The following ATRX variants were observed in gnomAD, a reference collection of about 807,000 sequenced individuals.
ATRX encodes the protein chromatin remodeler ATRX.
In ATRX, 12 loss-of-function variants were observed where a neutral mutation model predicts 172.6. The ratio of observed to expected loss-of-function variants is 0.07; its 90% CI spans 0.04 to 0.11. The LOEUF (loss-of-function observed/expected upper bound fraction) is 0.11. Ranked by LOEUF, ATRX falls within the 10% of genes least tolerant of loss-of-function variation. The pLI is 1.00. For missense variants in ATRX, 1,368 were observed against 1,767.4 expected (o/e 0.77, Z 4.05); for synonymous variants, 674 against 594.7 (o/e 1.13, Z -1.94).
At chrX:77,509,654 C>T (rs1483218893) in intron 34 of ATRX, among the ~76,000 whole-genome samples, 1 of 110,909 alleles carries the variant, frequency 9.0e-6, no homozygotes, top group Non-Finnish European at 1.9e-5. Context: ...TGGGACTCTG[C>T]ATTGGAACTC....
chrX:77,681,933 G>A lies in ATRX; in HGVS notation c.3323C>T (p.Ser1108Leu), dbSNP rs2148576161. Residue 1108 changes from serine to leucine, a missense_variant, in exon 9 of 35, where the codon TCA becomes TTA. Transcript: ENST00000373344. Reference sequence around the variant, plus strand: ...GGAATATTTCTCAGTATCAGATGATGAACAATCTTGTCTCTTCCTTGAACT... The same window carrying A: ...GGAATATTTCTCAGTATCAGATGATAAACAATCTTGTCTCTTCCTTGAACT... ...GKSSRKRQDC[S>L]SSDTEKYSMK... 1.7e-6 allele frequency: 2 copies of A among 1,210,345 alleles called. No homozygotes were observed. Among genetic ancestry groups the A allele is most frequent in the Non-Finnish European group, 2.2e-6 (2 of 894,886 alleles).
At chrX:77,744,374 A>G (rs2074986905) in intron 1 of ATRX, among the ~76,000 whole-genome samples, 2 of 112,226 alleles carry the variant, frequency 1.8e-5, no homozygotes. Flanking sequence ...CCAACATTAT[A>G]GTCACATCTT....
At chrX:77,620,650 A>T in intron 19 of ATRX, 118 bp from the exon 20 acceptor site, 2 of 702,683 alleles carry the variant, frequency 2.8e-6, no homozygotes, top group South Asian at 5.3e-5. Flanking sequence ...AGATAAAATG[A>T]CATCGTTGTA....
At chrX:77,769,281 G>GTA (rs1569546468) in intron 1 of ATRX, among the ~76,000 whole-genome samples, 2 of 99,042 alleles carry the variant, frequency 2.0e-5, no homozygotes, top group East Asian at 6.1e-4. Flanking sequence ...TTTTTTGTTT[G>GTA]TTTTTTTTTT....
At chrX:77,716,109 A>ATTTT (rs1557164558) in intron 2 of ATRX, among the ~76,000 whole-genome samples, 20 of 67,934 alleles carry the variant, frequency 2.9e-4, no homozygotes, top group Non-Finnish European at 4.7e-4. Context: ...TGTCTCTAAA[A>ATTTT]ATTTTTTTTT....
intron 2 of ATRX, among the ~76,000 whole-genome samples, chrX:77,702,398 G>A (rs368841384): frequency 2.3e-4 from 26 of 111,717 alleles, no homozygotes; most frequent in African/African-American, 6.8e-4. Context: ...AGCCAAGATC[G>A]CACCACTGCA....
At chrX:77,652,404 T>A (rs1557117521) in intron 14 of ATRX, 51 bp from the exon 15 acceptor site, 1 of 1,140,881 alleles carries the variant, frequency 8.8e-7, no homozygotes, top group Admixed American at 2.4e-5. Context: ...ATTTAATTTA[T>A]CCATTTCATA....
intron 1 of ATRX, among the ~76,000 whole-genome samples, chrX:77,734,172 A>G: frequency 9.1e-6 from 1 of 110,138 alleles, no homozygotes; most frequent in Non-Finnish European, 1.9e-5. Context: ...GTGCCAGTGC[A>G]CTCCAGCCTC....
In ATRX at chrX:77,521,515, A is replaced by T. The variant is rs1557041383; in HGVS notation, c.6976-17T>A. ...AATGAGGTCCTAGAAGAATGCAAGAAATAAGTTATATAAGGCAGAAAGACA... is the reference window on the plus strand; with the variant it reads ...AATGAGGTCCTAGAAGAATGCAAGATATAAGTTATATAAGGCAGAAAGACA... On this transcript the variant is annotated splice_polypyrimidine_tract_variant and intron_variant, in intron 32 of 34. Coordinates refer to ENST00000373344, the MANE Select transcript of ATRX (RefSeq NM_000489.6). 1 of 1,129,566 alleles carries T rather than the reference A, an allele frequency of 8.9e-7. No individual in the cohort carries two copies. The highest frequency in any genetic ancestry group is 3.0e-5 in the East Asian group (1 of 33,449). The allele number at this position is 1,129,566 out of a possible 1,213,427, so 93.1% of individuals were successfully genotyped here.
chrX:77,537,360 C>A (rs1176973577), intron 30 of ATRX, among the ~76,000 whole-genome samples: 2 of 111,661 alleles, frequency 1.8e-5, no homozygotes, highest in Non-Finnish European at 3.8e-5. Flanking sequence ...AATTATCAGA[C>A]CTGATCCTAT....
intron 1 of ATRX, among the ~76,000 whole-genome samples, chrX:77,747,958 T>C (rs2075148362): frequency 9.0e-6 from 1 of 111,501 alleles, no homozygotes; most frequent in African/African-American, 3.3e-5. Flanking sequence ...TTAATCCTGG[T>C]TTAAATAAGA....
At chrX:77,591,683 T>A (rs1203815291) in intron 26 of ATRX, among the ~76,000 whole-genome samples, 2 of 112,185 alleles carry the variant, frequency 1.8e-5, no homozygotes, top group African/African-American at 6.5e-5. Context: ...CTCCTGGTGC[T>A]CAGCTCAAAT....
intron 1 of ATRX, among the ~76,000 whole-genome samples, chrX:77,727,115 C>A (rs782179212): frequency 9.0e-6 from 1 of 111,220 alleles, no homozygotes; most frequent in Non-Finnish European, 1.9e-5. Context: ...AAATGCAAAT[C>A]AAAACCACAA....
intron 1 of ATRX, among the ~76,000 whole-genome samples, chrX:77,772,195 G>T (rs2076175310): frequency 1.8e-5 from 2 of 108,772 alleles, no homozygotes; most frequent in African/African-American, 6.7e-5. Flanking sequence ...CTACTCAGGA[G>T]GCTGAGGCAG....
intron 2 of ATRX, among the ~76,000 whole-genome samples, chrX:77,713,175 A>C (rs1222269762): frequency 9.0e-6 from 1 of 111,714 alleles, no homozygotes; most frequent in Non-Finnish European, 1.9e-5. Context: ...AAAAATAAAT[A>C]AATTGGGGAT....
chrX:77,516,835 A>G (rs2063071000), intron 34 of ATRX, among the ~76,000 whole-genome samples: 1 of 112,046 alleles, frequency 8.9e-6, no homozygotes. Flanking sequence ...TTAGGCCACA[A>G]AACAAGTCTT....
At chrX:77,554,267 T>C (rs2064680545) in intron 30 of ATRX, among the ~76,000 whole-genome samples, 1 of 110,930 alleles carries the variant, frequency 9.0e-6, no homozygotes, top group African/African-American at 3.3e-5. Context: ...ATCATGCCGC[T>C]GCACTCCAGC....
At chrX:77,751,598 T>C (rs1443241640) in intron 1 of ATRX, among the ~76,000 whole-genome samples, 1 of 112,427 alleles carries the variant, frequency 8.9e-6, no homozygotes, top group African/African-American at 3.2e-5. Flanking sequence ...CCCATGCCTA[T>C]GTCCTGAACG....
At position 77,510,045 on chromosome X, in the gene ATRX, G is replaced by C. The variant is rs1031386431; in HGVS notation, c.7201-1416C>G. The stretch of plus-strand genomic sequence containing the variant: ...GACTCTTTCCTTTTGCTTGAGGTGA[G>C]GAGAGGAGAGGGAAGAGTAAAGAAG... On this transcript the variant is annotated intron_variant, in intron 34 of 34. Coordinates refer to ENST00000373344, the MANE Select transcript of ATRX (RefSeq NM_000489.6). Among the ~76,000 whole-genome samples, 6 of 111,259 alleles carry C rather than the reference G, an allele frequency of 5.4e-5. No homozygotes were observed. The South Asian group carries it at 2.3e-3, about 43-fold the overall frequency.
Sources: allele counts gnomAD v4.1 joint callset (sites outside exome capture counted in the v4.1 genomes callset), GRCh38; gene constraint gnomAD v4.1.1; transcripts MANE v1.5; gene names NCBI Gene and HGNC (gene_info 2026-07-23, HGNC 2026-07-21).